The following DISC1 variants were observed in gnomAD, a reference collection of about 807,000 sequenced individuals.
The protein encoded by DISC1 is DISC1 scaffold protein, also known as disrupted in schizophrenia 1 protein.
In DISC1, 57 loss-of-function variants were observed where a neutral mutation model predicts 84.5. The observed-to-expected ratio is 0.67, with a 90% CI of 0.55 to 0.84. DISC1 has a LOEUF of 0.84. Ranked by LOEUF, DISC1 falls within the 40% of genes least tolerant of loss-of-function variation. DISC1 has a pLI of 0.00. For synonymous variants in DISC1, 411 were observed against 415.2 expected, an observed-to-expected ratio of 0.99 and a Z score of 0.12; for missense variants, 1,000 against 1,057.8, an observed-to-expected ratio of 0.95 and a Z score of 0.76.
chr1:231,677,716 C>T (rs560049656), intron 1 of DISC1, among the ~76,000 whole-genome samples: 14 of 152,308 alleles, frequency 9.2e-5, no homozygotes, highest in South Asian at 2.1e-4. Flanking sequence ...CGGTGGCTCA[C>T]GCCTGTAATC....
intron 11 of DISC1, among the ~76,000 whole-genome samples, chr1:232,025,354 G>C (rs1442691799): frequency 6.6e-6 from 1 of 152,178 alleles, no homozygotes. Context: ...TGGGCTTTGT[G>C]CGAGGTCCTA....
chr1:231,959,596 C>T (rs1660103019), intron 10 of DISC1: 1 of 731,224 alleles, frequency 1.4e-6, no homozygotes, highest in African/African-American at 1.9e-5. Flanking sequence ...ATGCCTTAAG[C>T]CTTTGTCTGC....
intron 9 of DISC1, among the ~76,000 whole-genome samples, chr1:231,887,475 G>T (rs916271095): frequency 6.6e-6 from 1 of 152,184 alleles, no homozygotes; most frequent in Non-Finnish European, 1.5e-5. Context: ...AGATGGATTT[G>T]CTCCATTCAT....
At chr1:231,657,605 T>C (rs2061215199) in intron 1 of DISC1, among the ~76,000 whole-genome samples, 2 of 152,234 alleles carry the variant, frequency 1.3e-5, no homozygotes, top group Admixed American at 6.5e-5. Context: ...AGCATTTTTA[T>C]AGTTTTGGGT....
At chr1:232,008,208 C>T (rs1667701992) in intron 10 of DISC1, among the ~76,000 whole-genome samples, 1 of 152,098 alleles carries the variant, frequency 6.6e-6, no homozygotes, top group Non-Finnish European at 1.5e-5. Context: ...GCTCTGCCCT[C>T]AGGGAAAAGA....
At chr1:231,691,176 A>G (rs1260192646) in intron 1 of DISC1, among the ~76,000 whole-genome samples, 2 of 152,132 alleles carry the variant, frequency 1.3e-5, no homozygotes, top group African/African-American at 2.4e-5. Context: ...CACAACTGTA[A>G]TGCCAGCACT....
At chr1:231,982,806 G>T (rs1663804605) in intron 10 of DISC1, among the ~76,000 whole-genome samples, 1 of 152,002 alleles carries the variant, frequency 6.6e-6, no homozygotes, top group Non-Finnish European at 1.5e-5. Flanking sequence ...GAAAGCTGAG[G>T]GCATGGGAGG....
intron 9 of DISC1, among the ~76,000 whole-genome samples, chr1:231,883,280 A>G (rs2086426021): frequency 6.6e-6 from 1 of 152,100 alleles, no homozygotes; most frequent in African/African-American, 2.4e-5. Context: ...GTACCTAGAA[A>G]TGTTCTAGGT....
rs1001648762 is a variant in DISC1 at position 232,038,797 on chromosome 1, G to C, written c.*1966G>C. On this transcript the variant is annotated 3_prime_UTR_variant, in exon 13 of 13. Transcript: ENST00000439617. ...CTTCTGTTCTCATTTATGTGTTTAG[G>C]GATAGTGAGGTTCCTGCCTTCACTA... The C allele has an allele frequency of 2.6e-5, 4 of 152,062 alleles. No individual in the cohort carries two copies. Among genetic ancestry groups the C allele is most frequent in the Non-Finnish European group, 5.9e-5 (4 of 68,022 alleles). The allele number at this position is 152,062 out of a possible 1,614,324, so 9.4% of individuals were successfully genotyped here. A position where few individuals can be genotyped will look rare whatever the true frequency, so the allele number is the denominator to read the frequency against.
chr1:231,742,832 C>G (rs2073475416), intron 3 of DISC1, among the ~76,000 whole-genome samples: 1 of 152,082 alleles, frequency 6.6e-6, no homozygotes, highest in South Asian at 2.1e-4. Flanking sequence ...ATCGCTTGAG[C>G]CCAGGAGTTG....
intron 9 of DISC1, among the ~76,000 whole-genome samples, chr1:231,855,976 G>A (rs1361910139): frequency 6.6e-6 from 1 of 152,218 alleles, no homozygotes; most frequent in Non-Finnish European, 1.5e-5. Flanking sequence ...AGTCGTGGCT[G>A]CCACTCTCTG....
At chr1:231,737,555 G>A (rs11122325) in intron 3 of DISC1, among the ~76,000 whole-genome samples, 33,670 of 152,062 alleles carry the variant, frequency 0.22, 3,941 homozygotes, top group East Asian at 0.44. Context: ...TGACCACTGG[G>A]CCAAACAGTG....
chr1:231,629,825 GAGA>G (rs2058563165), intron 1 of DISC1, among the ~76,000 whole-genome samples: 1 of 152,134 alleles, frequency 6.6e-6, no homozygotes, highest in Admixed American at 6.5e-5. Context: ...ATTTTGATTG[GAGA>G]AGGATTAGAG....
At chr1:231,997,244 G>A (rs1666072929) in intron 10 of DISC1, among the ~76,000 whole-genome samples, 1 of 152,124 alleles carries the variant, frequency 6.6e-6, no homozygotes, top group South Asian at 2.1e-4. Context: ...TAGACACAAA[G>A]TTACAGTATT....
rs116579047 is a variant in DISC1, at chr1:231,972,233, T to C, written c.2042+13345T>C. 6.7e-3 allele frequency among the ~76,000 whole-genome samples: 1,015 copies of C among 152,322 alleles called. 16 individuals are homozygous for C. Among genetic ancestry groups the C allele is most frequent in the African/African-American group, 0.022 (922 of 41,574 alleles). On this transcript the variant is annotated intron_variant, in intron 10 of 12. Transcript: ENST00000439617. ...CTAGTAGTTACCAAATGGAAATTGT[T>C]CTAGAGGGTTGCTTTGGCATAAGTG...
At chr1:231,777,205 T>C (rs1208063304) in intron 6 of DISC1, among the ~76,000 whole-genome samples, 2 of 152,136 alleles carry the variant, frequency 1.3e-5, no homozygotes, top group East Asian at 3.9e-4. Context: ...ATTTTCCCCC[T>C]CTTTTTTTTG....
At chr1:231,631,344 G>C (rs1415128158) in intron 1 of DISC1, among the ~76,000 whole-genome samples, 1 of 152,144 alleles carries the variant, frequency 6.6e-6, no homozygotes, top group Admixed American at 6.5e-5. Flanking sequence ...CTAATGCCTA[G>C]TATTTACTAT....
chr1:232,008,936 A>G lies in DISC1; in HGVS notation c.2194A>G (p.Ile732Val), dbSNP rs748115814. 9.3e-6 allele frequency: 15 copies of G among 1,613,426 alleles called. No homozygotes were observed. The highest frequency in any genetic ancestry group is 2.7e-5 in the African/African-American group (2 of 74,866). Residue 732 changes from isoleucine (I) to valine (V), a missense_variant, in exon 11 of 13, where the codon ATT becomes GTT. Ile to Val is a conservative substitution (Grantham distance 29). Around this residue, in one of 3 missense-constraint regions of DISC1, gnomAD observed 397 missense variants for 377.5 expected, o/e 1.05. Transcript: ENST00000439617. ...MDDLEGAAPP[I>V]PPRLHSEDKR... The stretch of plus-strand genomic sequence containing the variant: ...TGACTTAGAGGGAGCTGCTCCTCCT[A>G]TTCCCCCCAGGCTCCACTCCGAGGA...
chr1:232,009,535 A>G lies in DISC1; in HGVS notation c.2307+486A>G. On this transcript the variant is annotated intron_variant, in intron 11 of 12. Transcript: ENST00000439617. The surrounding 1 kb of genome is among the most constrained non-coding windows in gnomAD (Gnocchi z 4.6). The stretch of plus-strand genomic sequence containing the variant: ...ACATTCAAATATATGTATTTATCCC[A>G]TTAATTGTTTTTACCAAAACCAGAT... 1.2e-6 allele frequency: 1 copy of G among 851,238 alleles called. No homozygotes were observed. Among genetic ancestry groups the G allele is most frequent in the Non-Finnish European group, 1.4e-6 (1 of 708,190 alleles). The allele number at this position is 851,238 out of a possible 1,614,324, so 52.7% of individuals were successfully genotyped here. A position where few individuals can be genotyped will look rare whatever the true frequency, so the allele number is the denominator to read the frequency against.
Sources: allele counts gnomAD v4.1 joint callset (sites outside exome capture counted in the v4.1 genomes callset), GRCh38; gene constraint gnomAD v4.1.1; regional missense constraint gnomAD v4.1.1; non-coding constraint Gnocchi (gnomAD v3.1); transcripts MANE v1.5; gene names NCBI Gene and HGNC (gene_info 2026-07-23, HGNC 2026-07-21).